The following GLIS1 variants were observed in gnomAD, a reference collection of about 807,000 sequenced individuals.
The protein encoded by GLIS1 is zinc finger protein GLIS1.
Under a neutral mutation model 63.8 loss-of-function variants are expected in GLIS1, and 24 were observed. That is an observed-to-expected ratio of 0.38 (90% CI 0.27 to 0.53). The LOEUF (loss-of-function observed/expected upper bound fraction) is 0.53, where lower values mean the gene tolerates loss of function less well. Ranked by LOEUF, GLIS1 falls within the 20% of genes least tolerant of loss-of-function variation. GLIS1 has a pLI of 0.85. For synonymous variants in GLIS1, 450 were observed against 482.5 expected, an observed-to-expected ratio of 0.93 and a Z score of 0.88; for missense variants, 1,036 against 1,074.1, an observed-to-expected ratio of 0.96 and a Z score of 0.50.
chr1:53,535,317 G>A (rs1282857565), intron 4 of GLIS1, among the ~76,000 whole-genome samples: 1 of 152,066 alleles, frequency 6.6e-6, no homozygotes, highest in Non-Finnish European at 1.5e-5. Flanking sequence ...CCCAGGTCAC[G>A]CAGGGCTGAT....
intron 2 of GLIS1, among the ~76,000 whole-genome samples, chr1:53,706,810 G>A (rs751460359): frequency 1.2e-4 from 19 of 152,146 alleles, no homozygotes; most frequent in Non-Finnish European, 2.2e-4. Flanking sequence ...CCTCTGACCC[G>A]CAGAGTTTCA....
chr1:53,674,690 T>G (rs1646192994), intron 2 of GLIS1, among the ~76,000 whole-genome samples: 1 of 152,162 alleles, frequency 6.6e-6, no homozygotes, highest in Non-Finnish European at 1.5e-5. Flanking sequence ...CATGTTAACC[T>G]GAGGAACATG....
rs1234599953 is a variant in GLIS1, at chr1:53,594,361, C to T, written c.1067G>A (p.Gly356Asp). 6.2e-7 allele frequency: 1 copy of T among 1,611,502 alleles called. No individual in the cohort carries two copies. Among genetic ancestry groups the T allele is most frequent in the Non-Finnish European group, 8.5e-7 (1 of 1,179,112 alleles). The stretch of plus-strand genomic sequence containing the variant: ...CCTGCCTGCCAGGCCCAGCCCCAGG[C>T]CTCCAAGGCTTGGGCCAGGCGGCAA... Reference protein sequence around the residue: ...SQLPPGPSLGGLGLGLAGRVV... With the variant: ...SQLPPGPSLGDLGLGLAGRVV... Residue 356 changes from glycine (G) to aspartate (D), a missense_variant, in exon 4 of 11, where the codon GGC becomes GAC. By Grantham distance (94) the Gly-to-Asp change is moderately conservative (BLOSUM62 -1). Around this residue, in one of 3 missense-constraint regions of GLIS1, gnomAD observed 592 missense variants for 593.9 expected, o/e 1.00. Coordinates refer to ENST00000628545, the MANE Select transcript of GLIS1 (RefSeq NM_001367484.1).
chr1:53,551,699 G>A (rs1249596275), intron 4 of GLIS1, among the ~76,000 whole-genome samples: 1 of 151,982 alleles, frequency 6.6e-6, no homozygotes, highest in Non-Finnish European at 1.5e-5. Flanking sequence ...TGTGAGCTCT[G>A]TAGTCTAGCC....
intron 4 of GLIS1, among the ~76,000 whole-genome samples, chr1:53,585,323 A>G (rs1447758740): frequency 6.6e-6 from 1 of 151,058 alleles, no homozygotes; most frequent in South Asian, 2.1e-4. Flanking sequence ...TTCTCACAAC[A>G]CTCTCCCCTC....
chr1:53,528,955 A>G (rs1246841489), intron 5 of GLIS1, among the ~76,000 whole-genome samples: 1 of 152,062 alleles, frequency 6.6e-6, no homozygotes, highest in Non-Finnish European at 1.5e-5. Flanking sequence ...CCCAGGGCCT[A>G]GTGTAAGGCC....
intron 2 of GLIS1, among the ~76,000 whole-genome samples, chr1:53,653,024 C>A (rs560078701): frequency 3.3e-5 from 5 of 152,322 alleles, no homozygotes; most frequent in Admixed American, 3.3e-4. Flanking sequence ...GGAGGCTCAG[C>A]GCTTCCTTCT....
At chr1:53,660,719 C>T (rs949145635) in intron 2 of GLIS1, among the ~76,000 whole-genome samples, 1 of 152,186 alleles carries the variant, frequency 6.6e-6, no homozygotes, top group African/African-American at 2.4e-5. Flanking sequence ...ACAGCTCAGC[C>T]TAGACCTTCT....
chr1:53,510,383 C>T (rs1415012771), intron 8 of GLIS1, among the ~76,000 whole-genome samples: 3 of 152,190 alleles, frequency 2.0e-5, no homozygotes, highest in Non-Finnish European at 4.4e-5. Flanking sequence ...GGGCTGCTGG[C>T]TCACCACCGG....
chr1:53,729,180 AAC>A (rs1408267687), intron 2 of GLIS1, among the ~76,000 whole-genome samples: 1 of 152,202 alleles, frequency 6.6e-6, no homozygotes, highest in Admixed American at 6.5e-5. Flanking sequence ...GATGGGAAGT[AAC>A]ACAGAGGTTT....
intron 2 of GLIS1, among the ~76,000 whole-genome samples, chr1:53,727,766 C>A (rs1444785311): frequency 6.6e-6 from 1 of 152,188 alleles, no homozygotes; most frequent in African/African-American, 2.4e-5. Flanking sequence ...CCCCCAGGGT[C>A]ACTAGCAATC....
chr1:53,651,211 G>A (rs1402718203), intron 2 of GLIS1, among the ~76,000 whole-genome samples: 1 of 152,216 alleles, frequency 6.6e-6, no homozygotes, highest in Non-Finnish European at 1.5e-5. Context: ...TGGAGAGCCC[G>A]TAACTGGAGT....
intron 2 of GLIS1, among the ~76,000 whole-genome samples, chr1:53,730,659 GA>G (rs1364109237): frequency 6.6e-6 from 1 of 152,144 alleles, no homozygotes; most frequent in Non-Finnish European, 1.5e-5. Context: ...CTCCCCTTCA[GA>G]CACAGCGGCA....
intron 2 of GLIS1, among the ~76,000 whole-genome samples, chr1:53,633,457 T>C (rs1645691132): frequency 7.1e-6 from 1 of 140,260 alleles, no homozygotes. Flanking sequence ...GACTGAGGGG[T>C]GTGAATGAGT....
intron 3 of GLIS1, among the ~76,000 whole-genome samples, chr1:53,595,441 G>T (rs1317100842): frequency 6.6e-6 from 1 of 152,118 alleles, no homozygotes; most frequent in African/African-American, 2.4e-5. Flanking sequence ...GATTGCTTGA[G>T]CCCAGGAGGT....
intron 4 of GLIS1, among the ~76,000 whole-genome samples, chr1:53,543,294 C>A (rs1644663199): frequency 2.0e-5 from 3 of 152,214 alleles, no homozygotes; most frequent in African/African-American, 7.2e-5. Flanking sequence ...AGGAAAACTG[C>A]CGCTGATGGG....
intron 2 of GLIS1, among the ~76,000 whole-genome samples, chr1:53,664,055 A>T (rs1433015669): frequency 6.6e-6 from 1 of 152,202 alleles, no homozygotes; most frequent in Non-Finnish European, 1.5e-5. Flanking sequence ...AGGGCAACCC[A>T]GAACCCACTC....
intron 5 of GLIS1, among the ~76,000 whole-genome samples, chr1:53,525,158 C>T (rs1644452991): frequency 6.6e-6 from 1 of 152,052 alleles, no homozygotes; most frequent in Admixed American, 6.5e-5. Flanking sequence ...AAAATGGGGC[C>T]ATCTGAGGTC....
chr1:53,593,356 G>C (rs1052393986), intron 4 of GLIS1, among the ~76,000 whole-genome samples: 1 of 152,266 alleles, frequency 6.6e-6, no homozygotes, highest in African/African-American at 2.4e-5. Flanking sequence ...CCCCACAGAC[G>C]GGGCAGAAAT....
Sources: allele counts gnomAD v4.1 joint callset (sites outside exome capture counted in the v4.1 genomes callset), GRCh38; gene constraint gnomAD v4.1.1; regional missense constraint gnomAD v4.1.1; transcripts MANE v1.5; gene names NCBI Gene and HGNC (gene_info 2026-07-23, HGNC 2026-07-21).